The following WWOX variants were observed in gnomAD, a reference collection of about 807,000 sequenced individuals.
WWOX encodes the protein WW domain-containing oxidoreductase.
In WWOX, 69 loss-of-function variants were observed where a neutral mutation model predicts 46.2. The ratio of observed to expected loss-of-function variants is 1.49; its 90% CI spans 1.23 to 1.82. WWOX has a LOEUF of 1.82. Among genes scored for constraint, WWOX ranks in the 40% most tolerant of loss-of-function variants. WWOX has a pLI of 0.00. For synonymous variants in WWOX, 359 were observed against 202.6 expected, an observed-to-expected ratio of 1.77 and a Z score of -6.56; for missense variants, 919 against 542.6, an observed-to-expected ratio of 1.69 and a Z score of -6.89.
intron 4 of WWOX, among the ~76,000 whole-genome samples, chr16:78,120,532 T>TGCAGTCC (rs1183571415): frequency 3.4e-5 from 5 of 148,902 alleles, no homozygotes; most frequent in South Asian, 2.1e-4. Context: ...ATTGCGCCAC[T>TGCAGTCC]GCAGTCCGCA....
chr16:78,372,861 T>C (rs945665109), intron 5 of WWOX, among the ~76,000 whole-genome samples: 1 of 152,214 alleles, frequency 6.6e-6, no homozygotes, highest in Non-Finnish European at 1.5e-5. Context: ...CATGCCTCTC[T>C]TTCAGCACAG....
chr16:79,046,530 C>T (rs1188078594), intron 8 of WWOX, among the ~76,000 whole-genome samples: 1 of 152,160 alleles, frequency 6.6e-6, no homozygotes, highest in East Asian at 1.9e-4. Context: ...TAGATGTCTG[C>T]CCTTCTTGTG....
chr16:78,133,442 T>A (rs35302304), intron 4 of WWOX, among the ~76,000 whole-genome samples: 20,517 of 152,080 alleles, frequency 0.13, 1,633 homozygotes, highest in East Asian at 0.22. Flanking sequence ...TGTATTTTTA[T>A]TAGAGACGGG....
chr16:79,182,904 G>A (rs767413940), intron 8 of WWOX, among the ~76,000 whole-genome samples: 1 of 152,146 alleles, frequency 6.6e-6, no homozygotes, highest in Non-Finnish European at 1.5e-5. Context: ...AAGCCTTCTG[G>A]GCTGATGAGC....
intron 8 of WWOX, among the ~76,000 whole-genome samples, chr16:78,665,928 G>A (rs751818002): frequency 6.6e-6 from 1 of 151,694 alleles, no homozygotes; most frequent in Non-Finnish European, 1.5e-5. Context: ...CAAGTGATCT[G>A]CCCACCTTGG....
chr16:78,509,776 C>A (rs995418805), intron 8 of WWOX, among the ~76,000 whole-genome samples: 1 of 152,050 alleles, frequency 6.6e-6, no homozygotes, highest in African/African-American at 2.4e-5. Context: ...CGTACAGTGC[C>A]TATAAACCAT....
At chr16:78,579,133 G>C (rs550448054) in intron 8 of WWOX, among the ~76,000 whole-genome samples, 4 of 152,042 alleles carry the variant, frequency 2.6e-5, no homozygotes, top group Admixed American at 1.3e-4. Flanking sequence ...TCTAGTTATT[G>C]TGGGTGTTAA....
chr16:78,348,349 C>G (rs1272318205), intron 5 of WWOX, among the ~76,000 whole-genome samples: 1 of 121,194 alleles, frequency 8.3e-6, no homozygotes, highest in African/African-American at 2.8e-5. Context: ...GGCAAAGAAC[C>G]ATCCCAGCAG....
intron 6 of WWOX, among the ~76,000 whole-genome samples, chr16:78,405,974 A>T (rs377764111): frequency 6.6e-6 from 1 of 152,120 alleles, no homozygotes; most frequent in Non-Finnish European, 1.5e-5. Context: ...TCTTATGCAC[A>T]TATCATGCAA....
At chr16:78,846,214 C>G (rs1464491277) in intron 8 of WWOX, among the ~76,000 whole-genome samples, 2 of 152,214 alleles carry the variant, frequency 1.3e-5, no homozygotes, top group African/African-American at 4.8e-5. Flanking sequence ...ATGTACTCTT[C>G]ACTCAGCTTC....
chr16:78,594,302 G>GT (rs958455420), intron 8 of WWOX, among the ~76,000 whole-genome samples: 39 of 151,134 alleles, frequency 2.6e-4, no homozygotes, highest in South Asian at 8.4e-4. Flanking sequence ...TCCGTAGACT[G>GT]TTTTTTTTGT....
In WWOX at chr16:78,321,308, A is replaced by G. The variant is rs2080465996; in HGVS notation, c.517-65552A>G. 4.6e-5 allele frequency among the ~76,000 whole-genome samples: 3 copies of G among 65,548 alleles called. 1 individual carries two copies. The highest frequency in any genetic ancestry group is 4.2e-4 in the Admixed American group (3 of 7,226). 43.0% of individuals were successfully genotyped at this position (65,548 alleles called of 152,430 possible). ...TATATATACGTATATATATACGTAT[A>G]TATATGCGTATATATATACGTATAT... On this transcript the variant is annotated intron_variant, in intron 5 of 8. Transcript: ENST00000566780.
At chr16:78,318,616 A>G (rs1430065930) in intron 5 of WWOX, among the ~76,000 whole-genome samples, 1 of 152,170 alleles carries the variant, frequency 6.6e-6, no homozygotes, top group African/African-American at 2.4e-5. Context: ...CAGTTGTAGA[A>G]TGGGAATAGT....
intron 8 of WWOX, among the ~76,000 whole-genome samples, chr16:78,777,730 C>G (rs908871023): frequency 6.6e-6 from 1 of 152,122 alleles, no homozygotes; most frequent in African/African-American, 2.4e-5. Flanking sequence ...GTGCCAGATA[C>G]TAGGATAGGC....
At position 78,352,710 on chromosome 16, in the gene WWOX, T is replaced by A. The variant is rs546915598; in HGVS notation, c.517-34150T>A. On this transcript the variant is annotated intron_variant, in intron 5 of 8. Transcript: ENST00000566780. The stretch of plus-strand genomic sequence containing the variant: ...GTAACATATTTATAGATATCAGGGA[T>A]TAGTTCATGAACATATTGGGGTAGA... 3.9e-5 allele frequency among the ~76,000 whole-genome samples: 6 copies of A among 152,348 alleles called. No homozygotes were observed. In the East Asian group the frequency reaches 1.2e-3, roughly 29 times the overall value.
intron 8 of WWOX, among the ~76,000 whole-genome samples, chr16:79,020,703 G>C (rs1207747504): frequency 1.3e-5 from 2 of 152,148 alleles, no homozygotes; most frequent in African/African-American, 4.8e-5. Flanking sequence ...TGGTGAGTAG[G>C]ATAAAGCTCT....
chr16:78,744,421 G>GTT (rs1440457238), intron 8 of WWOX, among the ~76,000 whole-genome samples: 1 of 123,494 alleles, frequency 8.1e-6, no homozygotes, highest in African/African-American at 3.5e-5. Flanking sequence ...GGTCCACACT[G>GTT]CTTTTTTTTT....
At chr16:78,429,026 G>C (rs1177265349) in intron 7 of WWOX, among the ~76,000 whole-genome samples, 1 of 152,090 alleles carries the variant, frequency 6.6e-6, no homozygotes, top group Non-Finnish European at 1.5e-5. Flanking sequence ...TTAAGGACTT[G>C]GTCCTTGGAT....
chr16:78,371,155 T>A (rs1235982939), intron 5 of WWOX, among the ~76,000 whole-genome samples: 3 of 152,204 alleles, frequency 2.0e-5, no homozygotes, highest in Admixed American at 2.0e-4. Flanking sequence ...TGAGTTAAGT[T>A]GATACGCACA....
Sources: allele counts gnomAD v4.1 joint callset (sites outside exome capture counted in the v4.1 genomes callset), GRCh38; gene constraint gnomAD v4.1.1; transcripts MANE v1.5; gene names NCBI Gene and HGNC (gene_info 2026-07-23, HGNC 2026-07-21).